The following SNTB2 variants were observed in gnomAD, a reference collection of about 807,000 sequenced individuals.
SNTB2 encodes syntrophin beta 2.
SNTB2 carries 34 observed loss-of-function variants against 46.2 expected under a neutral mutation model. The ratio of observed to expected loss-of-function variants is 0.74; its 90% CI spans 0.56 to 0.98. The LOEUF (loss-of-function observed/expected upper bound fraction) is 0.98. Ranked by LOEUF, SNTB2 falls within the 50% of genes least tolerant of loss-of-function variation. The pLI, the probability that SNTB2 is intolerant of heterozygous loss-of-function variation, is 0.00. For synonymous variants in SNTB2, 290 were observed against 312.6 expected (o/e 0.93, Z 0.76); for missense variants, 603 against 731.4 (o/e 0.82, Z 2.02).
At chr16:69,276,985 A>G (rs1450748848) in intron 4 of SNTB2, among the ~76,000 whole-genome samples, 5 of 152,228 alleles carry the variant, frequency 3.3e-5, no homozygotes, top group Non-Finnish European at 5.9e-5. Context: ...TGAAATGGGA[A>G]GTACTCATGG....
In SNTB2 at chr16:69,306,444, A is replaced by G. The variant is rs1447225199; in HGVS notation, c.*5520A>G. Reference sequence around the variant, plus strand: ...ATTCTAGTTTTAGAAGAGGATCCACATTTAATGTAAGGCATAAATATGCCT... The same window carrying G: ...ATTCTAGTTTTAGAAGAGGATCCACGTTTAATGTAAGGCATAAATATGCCT... On this transcript the variant is annotated 3_prime_UTR_variant, in exon 7 of 7. Coordinates refer to ENST00000336278, the MANE Select transcript of SNTB2 (RefSeq NM_006750.4). 1 of 152,240 alleles carries G rather than the reference A, an allele frequency of 6.6e-6. No homozygotes were observed. Among genetic ancestry groups the G allele is most frequent in the East Asian group, 1.9e-4 (1 of 5,198 alleles). 9.4% of individuals were successfully genotyped at this position (152,240 alleles called of 1,614,324 possible).
intron 2 of SNTB2, among the ~76,000 whole-genome samples, chr16:69,252,205 A>G (rs2143063715): frequency 6.6e-6 from 1 of 152,238 alleles, no homozygotes; most frequent in East Asian, 1.9e-4. Context: ...TTAGTTCCAT[A>G]GAGCTGAGAA....
chr16:69,229,834 C>A (rs1285520691), intron 1 of SNTB2, among the ~76,000 whole-genome samples: 1 of 132,932 alleles, frequency 7.5e-6, no homozygotes, highest in East Asian at 2.5e-4. Flanking sequence ...AGGAGCAAGA[C>A]CCTGTCTCAA....
intron 1 of SNTB2, among the ~76,000 whole-genome samples, chr16:69,209,040 C>G (rs772847422): frequency 6.6e-6 from 1 of 151,538 alleles, no homozygotes; most frequent in Non-Finnish European, 1.5e-5. Context: ...TGCAGTCGCC[C>G]GATCTCAGCT....
intron 1 of SNTB2, 43 bp downstream of exon 1, chr16:69,187,789 TGGG>T: frequency 7.7e-7 from 1 of 1,299,230 alleles, no homozygotes; most frequent in Non-Finnish European, 9.9e-7. Context: ...CGCGGCGGCC[TGGG>T]CTCGCGGGAG....
intron 3 of SNTB2, among the ~76,000 whole-genome samples, chr16:69,260,713 G>A (rs1964826560): frequency 6.6e-6 from 1 of 152,192 alleles, no homozygotes; most frequent in Non-Finnish European, 1.5e-5. Context: ...CAAGTAAACT[G>A]GTGGTTGGCT....
At chr16:69,190,677 C>T (rs1186589977) in intron 1 of SNTB2, among the ~76,000 whole-genome samples, 3 of 152,078 alleles carry the variant, frequency 2.0e-5, no homozygotes, top group African/African-American at 7.2e-5. Flanking sequence ...AGAGCTGCCA[C>T]CAGTAAAGAC....
At chr16:69,211,992 A>G (rs1245086659) in intron 1 of SNTB2, among the ~76,000 whole-genome samples, 2 of 152,168 alleles carry the variant, frequency 1.3e-5, no homozygotes, top group Non-Finnish European at 2.9e-5. Flanking sequence ...TTAAGGAAGA[A>G]TAATCCCTAA....
chr16:69,239,277 C>T (rs1439293629), intron 1 of SNTB2, among the ~76,000 whole-genome samples: 1 of 152,212 alleles, frequency 6.6e-6, no homozygotes, highest in Non-Finnish European at 1.5e-5. Flanking sequence ...TGCTGTGTTT[C>T]ATTTTCCCAT....
intron 4 of SNTB2, among the ~76,000 whole-genome samples, chr16:69,275,007 T>C (rs1233654342): frequency 6.6e-6 from 1 of 150,990 alleles, no homozygotes; most frequent in African/African-American, 2.4e-5. Context: ...TCCCCTTCCC[T>C]CCCTTCCCTT....
At chr16:69,198,353 C>G (rs1043832295) in intron 1 of SNTB2, among the ~76,000 whole-genome samples, 1 of 152,164 alleles carries the variant, frequency 6.6e-6, no homozygotes, top group African/African-American at 2.4e-5. Flanking sequence ...AGGCAATCCA[C>G]CAGCCTCGGC....
At chr16:69,202,059 CTG>C (rs1191359947) in intron 1 of SNTB2, among the ~76,000 whole-genome samples, 3 of 152,146 alleles carry the variant, frequency 2.0e-5, no homozygotes, top group African/African-American at 4.8e-5. Context: ...ACCTGAGTGT[CTG>C]TGATGTTTAG....
At chr16:69,285,026 G>C (rs193114920) in intron 5 of SNTB2, among the ~76,000 whole-genome samples, 1 of 152,222 alleles carries the variant, frequency 6.6e-6, no homozygotes, top group East Asian at 1.9e-4. Flanking sequence ...TAGAGCTTAG[G>C]TGTATAGTGG....
intron 1 of SNTB2, among the ~76,000 whole-genome samples, chr16:69,241,128 G>A (rs907133214): frequency 6.7e-6 from 1 of 149,864 alleles, no homozygotes; most frequent in African/African-American, 2.5e-5. Flanking sequence ...CCAAAGTGCT[G>A]GGATTACAGG....
chr16:69,267,874 C>A (rs752118347), intron 3 of SNTB2, among the ~76,000 whole-genome samples: 1 of 152,132 alleles, frequency 6.6e-6, no homozygotes, highest in Non-Finnish European at 1.5e-5. Flanking sequence ...ACACTCTAAC[C>A]GATAAGTGAT....
chr16:69,289,906 A>C (rs555356514), intron 5 of SNTB2, among the ~76,000 whole-genome samples: 1 of 152,156 alleles, frequency 6.6e-6, no homozygotes, highest in Non-Finnish European at 1.5e-5. Context: ...TGGGCAACAG[A>C]ACAAGACCCT....
At chr16:69,298,838 T>C (rs185128849) in intron 5 of SNTB2, among the ~76,000 whole-genome samples, 5 of 152,208 alleles carry the variant, frequency 3.3e-5, no homozygotes, top group East Asian at 1.9e-4. Flanking sequence ...ACCAATTCTT[T>C]AGGGCCTATC....
At chr16:69,252,660 T>TA (rs781099933) in intron 2 of SNTB2, among the ~76,000 whole-genome samples, 15 of 152,306 alleles carry the variant, frequency 9.8e-5, no homozygotes, top group Middle Eastern at 3.4e-3. Flanking sequence ...AAGCTAGACT[T>TA]ACAGAATCCT....
rs1471323010 is a variant in SNTB2 at position 69,305,433 on chromosome 16, C to T, written c.*4509C>T. On this transcript the variant is annotated 3_prime_UTR_variant, in exon 7 of 7. Coordinates refer to ENST00000336278, the MANE Select transcript of SNTB2 (RefSeq NM_006750.4). ...TATCCAAATATCCAGCATACATTTC[C>T]ATGTGGCTGCCATCGGCTGTTGATG... 2 of 152,152 alleles carry T rather than the reference C, an allele frequency of 1.3e-5. No homozygotes were observed. Among genetic ancestry groups the T allele is most frequent in the Admixed American group, 6.5e-5 (1 of 15,284 alleles). The allele number at this position is 152,152 out of a possible 1,614,324, so 9.4% of individuals were successfully genotyped here. A position where few individuals can be genotyped will look rare whatever the true frequency, so the allele number is the denominator to read the frequency against.
Sources: allele counts gnomAD v4.1 joint callset (sites outside exome capture counted in the v4.1 genomes callset), GRCh38; gene constraint gnomAD v4.1.1; transcripts MANE v1.5; gene names NCBI Gene and HGNC (gene_info 2026-07-23, HGNC 2026-07-21).